The following MECOM variants were observed in gnomAD, a reference collection of about 807,000 sequenced individuals.
The protein encoded by MECOM is histone-lysine N-methyltransferase MECOM.
A neutral mutation model predicts 116.3 loss-of-function variants in MECOM; 13 were observed. The observed-to-expected ratio is 0.11, with a 90% CI of 0.07 to 0.18. The LOEUF is 0.18. MECOM is among the 10% of genes least tolerant of loss of function. The pLI, the probability that MECOM is intolerant of heterozygous loss-of-function variation, is 1.00. For missense variants in MECOM, 1,299 were observed against 1,509.0 expected (o/e 0.86, Z 2.31); for synonymous variants, 528 against 535.2 (o/e 0.99, Z 0.19).
At chr3:169,085,126 A>G in intron 16 of MECOM, 83 bp from the exon 17 acceptor site, 1 of 1,552,320 alleles carries the variant, frequency 6.4e-7, no homozygotes, top group South Asian at 1.2e-5. Flanking sequence ...GGTAAATGGA[A>G]AGGGATGGGA....
At chr3:169,579,438 T>A (rs185035603) in intron 1 of MECOM, among the ~76,000 whole-genome samples, 1 of 152,186 alleles carries the variant, frequency 6.6e-6, no homozygotes, top group East Asian at 1.9e-4. Flanking sequence ...AGAAGGTGAT[T>A]AGAGTTAGGA....
intron 1 of MECOM, among the ~76,000 whole-genome samples, chr3:169,544,487 A>C (rs114872877): frequency 0.011 from 1,710 of 152,316 alleles, 30 homozygotes; most frequent in African/African-American, 0.04. Flanking sequence ...CCAATGGTGT[A>C]AACGTGTTCC....
intron 2 of MECOM, among the ~76,000 whole-genome samples, chr3:169,293,354 C>T (rs1714975647): frequency 6.6e-6 from 1 of 152,244 alleles, no homozygotes; most frequent in African/African-American, 2.4e-5. Flanking sequence ...GAGGCCCTTC[C>T]TCTCTGACCT....
chr3:169,115,785 G>A lies in MECOM; in HGVS notation c.2087C>T (p.Pro696Leu). Residue 696 changes from proline (P) to leucine (L), a missense_variant, in exon 8 of 17, where the codon CCC becomes CTC. Physicochemically the swap from Pro to Leu is moderately conservative, Grantham distance 98 (BLOSUM62 -3). Around this residue, in one of 6 missense-constraint regions of MECOM, gnomAD observed 340 missense variants for 312.6 expected, o/e 1.09. Coordinates refer to ENST00000651503, the MANE Select transcript of MECOM (RefSeq NM_004991.4). ...VGALPYPSMF[P>L]LPFFPAFSQS... ...AGAGAATGCTGGAAAAAATGGGAGG[G>A]GAAACATGGAAGGGTAAGGTAAAGC... is the stretch of plus-strand genomic sequence containing the variant. 1.2e-6 allele frequency: 2 copies of A among 1,614,072 alleles called. No individual in the cohort carries two copies. Among genetic ancestry groups the A allele is most frequent in the South Asian group, 2.2e-5 (2 of 91,074 alleles).
intron 2 of MECOM, among the ~76,000 whole-genome samples, chr3:169,220,995 G>A (rs1479103021): frequency 6.6e-6 from 1 of 152,174 alleles, no homozygotes; most frequent in Non-Finnish European, 1.5e-5. Flanking sequence ...ATTAGGGAAA[G>A]GCACTCTATA....
At chr3:169,176,835 C>T (rs1193506514) in intron 2 of MECOM, among the ~76,000 whole-genome samples, 1 of 152,096 alleles carries the variant, frequency 6.6e-6, no homozygotes, top group African/African-American at 2.4e-5. Flanking sequence ...CAAAATAAGA[C>T]ATTTATGGGG....
chr3:169,256,035 C>A (rs1756824632), intron 2 of MECOM, among the ~76,000 whole-genome samples: 1 of 152,228 alleles, frequency 6.6e-6, no homozygotes, highest in Admixed American at 6.5e-5. Context: ...AGATAATTAA[C>A]CTATTTTAAA....
At chr3:169,203,242 C>G (rs1292620397) in intron 2 of MECOM, among the ~76,000 whole-genome samples, 2 of 152,040 alleles carry the variant, frequency 1.3e-5, no homozygotes, top group African/African-American at 2.4e-5. Context: ...TGCATTTTGC[C>G]AATTGATCAA....
At chr3:169,633,247 T>C (rs1772305746) in intron 1 of MECOM, among the ~76,000 whole-genome samples, 1 of 152,146 alleles carries the variant, frequency 6.6e-6, no homozygotes. Context: ...TAAAAGCAGA[T>C]GTTTTGCTCA....
intron 1 of MECOM, among the ~76,000 whole-genome samples, chr3:169,534,788 A>T (rs1465209480): frequency 6.6e-6 from 1 of 152,154 alleles, no homozygotes; most frequent in Non-Finnish European, 1.5e-5. Flanking sequence ...AAACTGAGGA[A>T]CAAAAAGGCT....
intron 1 of MECOM, among the ~76,000 whole-genome samples, chr3:169,551,488 A>G (rs190602205): frequency 6.6e-6 from 1 of 152,364 alleles, no homozygotes; most frequent in African/African-American, 2.4e-5. Flanking sequence ...GCTGAGACAA[A>G]TACTCTGAAG....
rs1718473479 is a variant in MECOM, at chr3:169,310,126, T to G, written c.375+71061A>C. On this transcript the variant is annotated intron_variant, in intron 2 of 16. Coordinates refer to ENST00000651503, the MANE Select transcript of MECOM (RefSeq NM_004991.4). ...AAGCACACAATTCCCTTGAGCCATT[T>G]TGCAATTTTTTCCAATAACATTGTG... Among the ~76,000 whole-genome samples, 2 of 152,242 alleles carry G rather than the reference T, an allele frequency of 1.3e-5. 1 individual carries two copies. The highest frequency in any genetic ancestry group is 4.8e-5 in the African/African-American group (2 of 41,470).
At chr3:169,533,847 A>C (rs1758988194) in intron 1 of MECOM, among the ~76,000 whole-genome samples, 1 of 152,126 alleles carries the variant, frequency 6.6e-6, no homozygotes, top group African/African-American at 2.4e-5. Context: ...TTTTCTTTAG[A>C]GTCTAAGAAG....
At chr3:169,603,303 T>C (rs1351564556) in intron 1 of MECOM, among the ~76,000 whole-genome samples, 1 of 152,094 alleles carries the variant, frequency 6.6e-6, no homozygotes, top group Non-Finnish European at 1.5e-5. Context: ...GCTTATAAGG[T>C]AAGGATATAA....
intron 1 of MECOM, among the ~76,000 whole-genome samples, chr3:169,416,515 T>C (rs1738616316): frequency 6.7e-6 from 1 of 149,448 alleles, no homozygotes; most frequent in South Asian, 2.1e-4. Flanking sequence ...AGACAAGAAA[T>C]AACTAGGATC....
intron 1 of MECOM, among the ~76,000 whole-genome samples, chr3:169,478,202 G>A (rs1750771493): frequency 6.6e-6 from 1 of 152,040 alleles, no homozygotes; most frequent in Admixed American, 6.6e-5. Flanking sequence ...TTGGATTTGG[G>A]GCATTTTTAC....
chr3:169,292,957 C>T (rs1577613601), intron 2 of MECOM, among the ~76,000 whole-genome samples: 1 of 152,110 alleles, frequency 6.6e-6, no homozygotes, highest in South Asian at 2.1e-4. Flanking sequence ...CAGAGGATGT[C>T]AGACCTAAAA....
intron 1 of MECOM, among the ~76,000 whole-genome samples, chr3:169,589,537 A>T (rs1336634232): frequency 2.0e-5 from 3 of 152,136 alleles, no homozygotes; most frequent in African/African-American, 7.2e-5. Context: ...TTGTAAAATG[A>T]TGTGGATGGA....
chr3:169,507,874 A>T (rs1755471498), intron 1 of MECOM, among the ~76,000 whole-genome samples: 1 of 150,494 alleles, frequency 6.6e-6, no homozygotes, highest in African/African-American at 2.5e-5. Context: ...GTTAGCCAGG[A>T]TGGTCTCGAT....
Sources: gnomAD v4.1 joint callset for allele counts (sites outside exome capture counted in the v4.1 genomes callset) on GRCh38, gnomAD v4.1.1 for gene constraint, gnomAD v4.1.1 regional missense constraint, MANE v1.5 for transcripts, NCBI Gene and HGNC (gene_info 2026-07-23, HGNC 2026-07-21) for gene names.